CSMD3: variants seen among roughly 807,000 people sequenced by gnomAD.
The protein encoded by CSMD3 is CUB and sushi domain-containing protein 3.
CSMD3 carries 177 observed loss-of-function variants against 435.2 expected under a neutral mutation model. The observed-to-expected ratio is 0.41, with a 90% CI of 0.36 to 0.46. CSMD3 has a LOEUF of 0.46. Ranked by LOEUF, CSMD3 falls within the 20% of genes least tolerant of loss-of-function variation. The pLI, the probability that CSMD3 is intolerant of heterozygous loss-of-function variation, is 0.34. For missense variants in CSMD3, 4,265 were observed against 4,504.6 expected, an observed-to-expected ratio of 0.95 and a Z score of 1.52; for synonymous variants, 1,656 against 1,520.5, an observed-to-expected ratio of 1.09 and a Z score of -2.07.
At chr8:112,857,798 A>G (rs2080705830) in intron 11 of CSMD3, among the ~76,000 whole-genome samples, 1 of 151,752 alleles carries the variant, frequency 6.6e-6, no homozygotes. Flanking sequence ...GCATGCTGCT[A>G]AGTGTTCAAC....
intron 27 of CSMD3, among the ~76,000 whole-genome samples, chr8:112,541,195 A>G (rs1254789166): frequency 2.0e-5 from 3 of 151,936 alleles, no homozygotes; most frequent in Non-Finnish European, 2.9e-5. Context: ...AAATGTCTCA[A>G]GTAAATAACC....
chr8:112,285,448 T>C (rs1460903908), intron 58 of CSMD3, among the ~76,000 whole-genome samples: 2 of 152,112 alleles, frequency 1.3e-5, no homozygotes, highest in Non-Finnish European at 2.9e-5. Context: ...TACAAAAAGA[T>C]AACTATCTTT....
chr8:112,672,335 C>G lies in CSMD3; in HGVS notation c.2678-5920G>C, dbSNP rs145680287. ...TGTTACAACTTATTATTAGTGGAGG[C>G]CTAAGGAGGAGCAGTTCATGGGGGC... On this transcript the variant is annotated intron_variant, in intron 16 of 70. Transcript: ENST00000297405. 4.1e-3 allele frequency among the ~76,000 whole-genome samples: 622 copies of G among 152,122 alleles called. 5 individuals carry two copies. Among genetic ancestry groups the G allele is most frequent in the Non-Finnish European group, 7.4e-3 (501 of 67,986 alleles).
intron 13 of CSMD3, among the ~76,000 whole-genome samples, chr8:112,793,871 T>G (rs2078755810): frequency 6.6e-6 from 1 of 152,188 alleles, no homozygotes; most frequent in Non-Finnish European, 1.5e-5. Flanking sequence ...AAGCTGAACT[T>G]AAAATATGTA....
At chr8:112,741,679 G>A (rs1459130505) in intron 13 of CSMD3, among the ~76,000 whole-genome samples, 3 of 151,760 alleles carry the variant, frequency 2.0e-5, no homozygotes, top group Non-Finnish European at 4.4e-5. Context: ...TACATCTCAT[G>A]TTATCTGTTC....
intron 9 of CSMD3, among the ~76,000 whole-genome samples, chr8:112,929,247 G>T (rs1275090081): frequency 1.6e-4 from 19 of 118,726 alleles, no homozygotes; most frequent in African/African-American, 6.0e-4. Flanking sequence ...GGAGGGGGGA[G>T]GGATAGCATT....
intron 3 of CSMD3, 124 bp downstream of exon 3, chr8:113,278,468 A>T (rs368787576): frequency 1.5e-6 from 1 of 658,624 alleles, no homozygotes. Flanking sequence ...ATAACAAGAT[A>T]AATTTCAGGA....
At chr8:113,095,820 T>C (rs1316510234) in intron 5 of CSMD3, among the ~76,000 whole-genome samples, 1 of 152,182 alleles carries the variant, frequency 6.6e-6, no homozygotes, top group African/African-American at 2.4e-5. Context: ...CAAATATTAC[T>C]ACATTTTATA....
chr8:113,434,058 G>C (rs1372101968), intron 1 of CSMD3, among the ~76,000 whole-genome samples: 1 of 152,150 alleles, frequency 6.6e-6, no homozygotes, highest in Admixed American at 6.5e-5. Context: ...CCACCCGAGT[G>C]GTTCAGGCCT....
At chr8:112,633,377 T>G (rs915865862) in intron 22 of CSMD3, among the ~76,000 whole-genome samples, 1 of 152,174 alleles carries the variant, frequency 6.6e-6, no homozygotes, top group East Asian at 1.9e-4. Context: ...ACTCGGAACA[T>G]TGTGATAATC....
intron 59 of CSMD3, among the ~76,000 whole-genome samples, chr8:112,271,202 G>C (rs989219996): frequency 3.3e-5 from 5 of 152,010 alleles, no homozygotes; most frequent in Non-Finnish European, 4.4e-5. Context: ...CATTATATTT[G>C]CTTTGTACAT....
intron 13 of CSMD3, among the ~76,000 whole-genome samples, chr8:112,757,403 T>C (rs2077725489): frequency 6.6e-6 from 1 of 152,094 alleles, no homozygotes; most frequent in African/African-American, 2.4e-5. Flanking sequence ...TATACATATA[T>C]GTAATATTGA....
chr8:112,264,757 G>A (rs532716301), intron 60 of CSMD3, among the ~76,000 whole-genome samples: 48 of 151,890 alleles, frequency 3.2e-4, no homozygotes, highest in African/African-American at 9.4e-4. Context: ...AAACGTAAAC[G>A]AAAAATCTTA....
At chr8:112,694,250 G>A (rs886727169) in intron 13 of CSMD3, among the ~76,000 whole-genome samples, 2 of 151,962 alleles carry the variant, frequency 1.3e-5, no homozygotes, top group African/African-American at 4.8e-5. Context: ...GAATCATAAT[G>A]GCTGTTATGC....
chr8:112,476,939 T>C (rs943877795), intron 31 of CSMD3, among the ~76,000 whole-genome samples: 2 of 152,204 alleles, frequency 1.3e-5, no homozygotes, highest in African/African-American at 2.4e-5. Flanking sequence ...CTGGTAGCAA[T>C]TTTTCTAAAA....
intron 24 of CSMD3, among the ~76,000 whole-genome samples, chr8:112,570,745 G>A (rs186556341): frequency 6.2e-4 from 95 of 152,226 alleles, no homozygotes; most frequent in South Asian, 1.0e-3. Context: ...AGCCCTTTCC[G>A]AGAGAATACA....
rs368478953 is a variant in CSMD3 at position 112,234,358 on chromosome 8, T to C, written c.10740+7A>G. The C allele has an allele frequency of 4.5e-4, 695 of 1,547,270 alleles. 4 individuals carry two copies. The highest frequency in any genetic ancestry group is 1.9e-4 in the Non-Finnish European group (216 of 1,119,984). ...TCAGCAGCAGATGTTAAAATAACTATACTTACAAAGCCATCCATTGCCCAA... is the reference window on the plus strand; with the variant it reads ...TCAGCAGCAGATGTTAAAATAACTACACTTACAAAGCCATCCATTGCCCAA... On this transcript the variant is annotated splice_region_variant and intron_variant, in intron 68 of 70. Transcript: ENST00000297405.
intron 13 of CSMD3, among the ~76,000 whole-genome samples, chr8:112,699,969 T>C (rs1309246365): frequency 6.6e-6 from 1 of 152,078 alleles, no homozygotes; most frequent in Non-Finnish European, 1.5e-5. Flanking sequence ...TGTGTGTGTG[T>C]GCGTGCGTGT....
At chr8:113,289,554 C>CAGAGAGAGAGAGAGAGAGAGAGAG (rs66595138) in intron 2 of CSMD3, among the ~76,000 whole-genome samples, 2 of 143,188 alleles carry the variant, frequency 1.4e-5, no homozygotes, top group African/African-American at 5.2e-5. Flanking sequence ...CAGAGAGAGA[C>CAGAGAGAGAGAGAGAGAGAGAGAG]AGAGAGAGAG....
Sources: gnomAD v4.1 joint callset for allele counts (sites outside exome capture counted in the v4.1 genomes callset) on GRCh38, gnomAD v4.1.1 for gene constraint, MANE v1.5 for transcripts, NCBI Gene and HGNC (gene_info 2026-07-23, HGNC 2026-07-21) for gene names.